AASDHPPT: variants seen among roughly 807,000 people sequenced by gnomAD.
AASDHPPT encodes L-aminoadipate-semialdehyde dehydrogenase-phosphopantetheinyl transferase.
AASDHPPT carries 23 observed loss-of-function variants against 36.4 expected under a neutral mutation model. That is an observed-to-expected ratio of 0.63 (90% confidence interval 0.45 to 0.89). The LOEUF (loss-of-function observed/expected upper bound fraction) is 0.89. Ranked by LOEUF, AASDHPPT falls within the 40% of genes least tolerant of loss-of-function variation. AASDHPPT has a pLI of 0.00. For synonymous variants in AASDHPPT, 115 were observed against 128.0 expected (o/e 0.90, Z 0.68); for missense variants, 377 against 378.2 (o/e 1.00, Z 0.03).
intron 2 of AASDHPPT, among the ~76,000 whole-genome samples, chr11:106,082,835 T>G (rs1861157797): frequency 6.6e-6 from 1 of 152,200 alleles, no homozygotes; most frequent in African/African-American, 2.4e-5. Flanking sequence ...TTTTCTAATT[T>G]TTTCTACCAT....
At chr11:106,083,617 G>A (rs1861166578) in intron 2 of AASDHPPT, among the ~76,000 whole-genome samples, 1 of 152,068 alleles carries the variant, frequency 6.6e-6, no homozygotes, top group Non-Finnish European at 1.5e-5. Flanking sequence ...TGGTACTAGC[G>A]AAAGAATAGA....
chr11:106,097,083 C>T lies in AASDHPPT; in HGVS notation c.*176C>T. ...TGGTTCAAGATAGCTCACTGGAATACATGTTTACCTCTTTCTTTCCTAAAT... is the reference window on the plus strand; with the variant it reads ...TGGTTCAAGATAGCTCACTGGAATATATGTTTACCTCTTTCTTTCCTAAAT... On this transcript the variant is annotated 3_prime_UTR_variant, in exon 6 of 6. Coordinates refer to ENST00000278618, the MANE Select transcript of AASDHPPT (RefSeq NM_015423.3). The T allele has an allele frequency of 1.8e-6, 1 of 545,468 alleles. No individual in the cohort carries two copies. The highest frequency in any genetic ancestry group is 3.0e-6 in the Non-Finnish European group (1 of 332,158). 33.8% of individuals were successfully genotyped at this position (545,468 alleles called of 1,614,324 possible). A position where few individuals can be genotyped will look rare whatever the true frequency, so the allele number is the denominator to read the frequency against.
intron 5 of AASDHPPT, among the ~76,000 whole-genome samples, chr11:106,095,585 G>A (rs1056432473): frequency 2.6e-5 from 4 of 152,130 alleles, no homozygotes; most frequent in Admixed American, 2.6e-4. Context: ...GAAAACGTAT[G>A]TTTTAATGAA....
intron 2 of AASDHPPT, among the ~76,000 whole-genome samples, chr11:106,083,353 A>T (rs1291315902): frequency 6.6e-6 from 1 of 152,222 alleles, no homozygotes; most frequent in African/African-American, 2.4e-5. Context: ...GTCCAAGTTG[A>T]CTTAGCTAAA....
chr11:106,088,589 A>G (rs1434258430), intron 2 of AASDHPPT, among the ~76,000 whole-genome samples: 1 of 152,084 alleles, frequency 6.6e-6, no homozygotes, highest in Non-Finnish European at 1.5e-5. Context: ...TACTTTTGTT[A>G]CTTCAGAAGC....
intron 2 of AASDHPPT, chr11:106,086,475 A>G (rs182803133): frequency 6.6e-6 from 1 of 152,404 alleles, no homozygotes; most frequent in East Asian, 1.9e-4. Context: ...AAATAAGGTC[A>G]CATTCTAAGG....
At chr11:106,096,688 G>T in intron 5 of AASDHPPT, 55 bp from the exon 6 acceptor site, 2 of 1,358,464 alleles carry the variant, frequency 1.5e-6, no homozygotes, top group South Asian at 3.1e-5. Context: ...TTATGAAATT[G>T]ATCATAAGAT....
chr11:106,084,778 C>T (rs1280959790), intron 2 of AASDHPPT, among the ~76,000 whole-genome samples: 2 of 151,304 alleles, frequency 1.3e-5, no homozygotes, highest in African/African-American at 4.9e-5. Context: ...TCCAGGCACC[C>T]GCCACCTGGT....
chr11:106,097,974 G>C lies in AASDHPPT; in HGVS notation c.*1067G>C, dbSNP rs549903043. 1 of 152,204 alleles carries C rather than the reference G, an allele frequency of 6.6e-6. No homozygotes were observed. Among genetic ancestry groups the C allele is most frequent in the Admixed American group, 6.5e-5 (1 of 15,278 alleles). 9.4% of individuals were successfully genotyped at this position (152,204 alleles called of 1,614,324 possible). On this transcript the variant is annotated 3_prime_UTR_variant, in exon 6 of 6. Transcript: ENST00000278618. ...CAGAGTGAATGTCCTTGTACATTTT[G>C]AGTTACATGCTTAATTATGTCCTTG... is the stretch of plus-strand genomic sequence containing the variant.
Position 106,090,607 on chromosome 11 carries a change from A to G in AASDHPPT, c.460A>G (p.Asn154Asp), listed in dbSNP as rs1861245926. ...TCATATTATGAAAAGAAAGTTTACC[A>G]ACAAAGAATGGGAAACAATCAGAAG... ...FFHIMKRKFT[N>D]KEWETIRSFK... The change falls in exon 3 of 6, where the codon AAC becomes GAC. Residue 154 changes from asparagine (N) to aspartate (D), a missense_variant. By Grantham distance (23) the Asn-to-Asp change is conservative. Transcript: ENST00000278618. The G allele has an allele frequency of 3.7e-6, 6 of 1,601,816 alleles. No individual in the cohort carries two copies. The Admixed American group carries it at 7.0e-5, about 19-fold the overall frequency.
At chr11:106,090,527 C>G in intron 2 of AASDHPPT, 30 bp from the exon 3 acceptor site, 1 of 1,528,918 alleles carries the variant, frequency 6.5e-7, no homozygotes, top group Non-Finnish European at 8.8e-7. Flanking sequence ...AATAGAACTG[C>G]TATTTAATTT....
At chr11:106,087,737 G>C (rs1861210957) in intron 2 of AASDHPPT, among the ~76,000 whole-genome samples, 1 of 152,094 alleles carries the variant, frequency 6.6e-6, no homozygotes, top group Non-Finnish European at 1.5e-5. Flanking sequence ...TTGCTGGGTG[G>C]TCTTGATTAG....
chr11:106,088,521 A>G (rs944966543), intron 2 of AASDHPPT, among the ~76,000 whole-genome samples: 16 of 152,250 alleles, frequency 1.1e-4, no homozygotes, highest in Admixed American at 9.8e-4. Context: ...CCATTCAACA[A>G]GAAACAGTTT....
chr11:106,091,204 A>G (rs983939195), intron 3 of AASDHPPT, 112 bp from the exon 4 acceptor site: 9 of 874,806 alleles, frequency 1.0e-5, no homozygotes, highest in African/African-American at 7.0e-5. Flanking sequence ...GGTTATAGCT[A>G]TATAGCCATA....
chr11:106,078,236 T>C (rs1042372694), intron 1 of AASDHPPT, among the ~76,000 whole-genome samples: 1 of 152,364 alleles, frequency 6.6e-6, no homozygotes, highest in Admixed American at 6.5e-5. Flanking sequence ...TATCTTTAAA[T>C]GTTATTTTTT....
chr11:106,088,559 A>G (rs746559253), intron 2 of AASDHPPT, among the ~76,000 whole-genome samples: 5 of 152,088 alleles, frequency 3.3e-5, no homozygotes, highest in Non-Finnish European at 7.4e-5. Flanking sequence ...AGTGTTCCCA[A>G]TGTTTAAAAT....
chr11:106,082,184 A>G (rs1861150442), intron 2 of AASDHPPT, among the ~76,000 whole-genome samples: 1 of 151,948 alleles, frequency 6.6e-6, no homozygotes, highest in Admixed American at 6.6e-5. Flanking sequence ...TGTTGTGAAA[A>G]AGCTGTTGCT....
intron 2 of AASDHPPT, among the ~76,000 whole-genome samples, chr11:106,082,756 T>C (rs1244688097): frequency 6.6e-6 from 1 of 152,182 alleles, no homozygotes; most frequent in East Asian, 1.9e-4. Flanking sequence ...TTAGGAAGAA[T>C]GGTGTTTTCC....
chr11:106,091,615 C>G, intron 4 of AASDHPPT, 138 bp downstream of exon 4: 1 of 777,664 alleles, frequency 1.3e-6, no homozygotes. Context: ...GAAATCAGGG[C>G]TACTATGAGA....
Sources: gnomAD v4.1 joint callset for allele counts (sites outside exome capture counted in the v4.1 genomes callset) on GRCh38, gnomAD v4.1.1 for gene constraint, MANE v1.5 for transcripts, NCBI Gene and HGNC (gene_info 2026-07-23, HGNC 2026-07-21) for gene names.